GZMK: variants seen among roughly 807,000 people sequenced by gnomAD.
GZMK encodes the protein granzyme K.
A neutral mutation model predicts 22.8 loss-of-function variants in GZMK; 18 were observed. That is an observed-to-expected ratio of 0.79 (90% confidence interval 0.54 to 1.17). The LOEUF is 1.17. Among genes scored for constraint, GZMK ranks in the 50% most tolerant of loss-of-function variants. The pLI, the probability that GZMK is intolerant of heterozygous loss-of-function variation, is 0.00. For missense variants in GZMK, 342 were observed against 320.2 expected, an observed-to-expected ratio of 1.07 and a Z score of -0.52; for synonymous variants, 136 against 115.0, an observed-to-expected ratio of 1.18 and a Z score of -1.17.
In GZMK at chr5:55,034,136, G is replaced by A; in HGVS notation, c.*210G>A. The A allele has an allele frequency of 2.0e-6, 1 of 496,808 alleles. No homozygotes were observed. Among genetic ancestry groups the A allele is most frequent in the South Asian group, 3.2e-5 (1 of 31,696 alleles). The allele number at this position is 496,808 out of a possible 1,614,324, so 30.8% of individuals were successfully genotyped here. On this transcript the variant is annotated 3_prime_UTR_variant, in exon 5 of 5. Transcript: ENST00000231009. ...CTAAATAAAATTTAGAAGACTCTCT[G>A]TTTGTCTTTTATCACATGAAGTAAT... is the stretch of plus-strand genomic sequence containing the variant.
At chr5:55,029,009 T>C (rs1741179812) in intron 2 of GZMK, among the ~76,000 whole-genome samples, 1 of 152,116 alleles carries the variant, frequency 6.6e-6, no homozygotes, top group Non-Finnish European at 1.5e-5. Flanking sequence ...CTGAGGCCAG[T>C]AGATCACCTG....
chr5:55,030,965 A>C (rs145444246), intron 3 of GZMK, among the ~76,000 whole-genome samples: 7 of 152,222 alleles, frequency 4.6e-5, no homozygotes, highest in African/African-American at 1.4e-4. Context: ...CTCAGCAGTG[A>C]GTTACAGCTT....
chr5:55,026,541 C>G (rs377766335), intron 2 of GZMK, among the ~76,000 whole-genome samples: 1 of 151,858 alleles, frequency 6.6e-6, no homozygotes, highest in Non-Finnish European at 1.5e-5. Flanking sequence ...GTAGGCAGAT[C>G]GGTGGTTGGA....
rs1741279216 is a variant in GZMK at position 55,034,040 on chromosome 5, G to C, written c.*114G>C. The C allele has an allele frequency of 3.2e-6, 2 of 628,482 alleles. No individual in the cohort carries two copies. The highest frequency in any genetic ancestry group is 3.7e-5 in the African/African-American group (2 of 53,520). 38.9% of individuals were successfully genotyped at this position (628,482 alleles called of 1,614,324 possible). A position where few individuals can be genotyped will look rare whatever the true frequency, so the allele number is the denominator to read the frequency against. ...ATGGGGTCCATTTTTGCACTTGTAA[G>C]TCATTTTATTAAGGAATCAAGTTCT... On this transcript the variant is annotated 3_prime_UTR_variant, in exon 5 of 5. Coordinates refer to ENST00000231009, the MANE Select transcript of GZMK (RefSeq NM_002104.3).
Position 55,033,899 on chromosome 5 carries a change from C to G in GZMK, c.768C>G (p.Ser256Arg). The G allele has an allele frequency of 6.2e-7, 1 of 1,610,520 alleles. No individual in the cohort carries two copies. Among genetic ancestry groups the G allele is most frequent in the Non-Finnish European group, 8.5e-7 (1 of 1,178,972 alleles). ...LTKKYQTWIK[S>R]NLVPPHTN ...AGAAATACCAGACTTGGATCAAAAG[C>G]AACCTTGTCCCGCCTCATACAAATT... Residue 256 changes from serine (S) to arginine (R), a missense_variant, in exon 5 of 5, where the codon AGC (serine) becomes AGG (arginine). Transcript: ENST00000231009.
chr5:55,033,894 A>G lies in GZMK; in HGVS notation c.763A>G (p.Lys255Glu). 6.2e-7 allele frequency: 1 copy of G among 1,612,580 alleles called. No homozygotes were observed. The highest frequency in any genetic ancestry group is 1.1e-5 in the South Asian group (1 of 90,648). The part of the protein sequence containing the change: ...LLTKKYQTWI[K>E]SNLVPPHTN ...AACCAAGAAATACCAGACTTGGATC[A>G]AAAGCAACCTTGTCCCGCCTCATAC... The change falls in exon 5 of 5, where the codon AAA (lysine) becomes GAA (glutamate). Residue 255 changes from lysine to glutamate, a missense_variant. By Grantham distance (56) the Lys-to-Glu change is moderately conservative. Coordinates refer to ENST00000231009, the MANE Select transcript of GZMK (RefSeq NM_002104.3).
chr5:55,024,549 G>T (rs1741114284), intron 1 of GZMK, 111 bp from the exon 2 acceptor site: 7 of 843,578 alleles, frequency 8.3e-6, no homozygotes, highest in Non-Finnish European at 1.3e-5. Context: ...TTTAGGTAGG[G>T]TTATTGTTGT....
In GZMK at chr5:55,031,462, G is replaced by A. The variant is rs149102030; in HGVS notation, c.462G>A (p.Trp154Ter). 178 of 1,613,984 alleles carry A rather than the reference G, an allele frequency of 1.1e-4. No homozygotes were observed. The African/African-American group carries it at 1.8e-3, about 16-fold the overall frequency. ...GAACCAAATGCAAGGTTACTGGCTG[G>A]GGAGCCACCGATCCAGATTCATTAA... ...RSGTKCKVTG[W>*]GATDPDSLRP... is the part of the protein sequence containing the mutation. Residue 154 changes from tryptophan to a stop codon, truncating the protein, a stop_gained, in exon 4 of 5, where the codon TGG (tryptophan) becomes TGA (stop). Coordinates refer to ENST00000231009, the MANE Select transcript of GZMK (RefSeq NM_002104.3). LOFTEE classifies it high-confidence loss of function.
At chr5:55,027,662 GGTTATTGTTA>G (rs1205793139) in intron 2 of GZMK, 1 of 152,196 alleles carries the variant, frequency 6.6e-6, no homozygotes, top group Non-Finnish European at 1.5e-5. Context: ...CCTTGAAAAA[GGTTATTGTTA>G]GGCTCAATGG....
At chr5:55,025,839 C>T (rs1054992969) in intron 2 of GZMK, 1 of 152,204 alleles carries the variant, frequency 6.6e-6, no homozygotes, top group African/African-American at 2.4e-5. Context: ...TTAAATGGAA[C>T]TGTTTGATCA....
chr5:55,029,944 A>C (rs537884421), intron 2 of GZMK, among the ~76,000 whole-genome samples: 2 of 152,156 alleles, frequency 1.3e-5, no homozygotes, highest in Non-Finnish European at 2.9e-5. Context: ...AACAATATAC[A>C]TGTCCTTCAT....
rs1554044709 is a variant in GZMK, at chr5:55,031,464, G to A, written c.464G>A (p.Gly155Glu). The A allele has an allele frequency of 1.2e-6, 2 of 1,613,998 alleles. No individual in the cohort carries two copies. Among genetic ancestry groups the A allele is most frequent in the African/African-American group, 1.3e-5 (1 of 75,034 alleles). ...SGTKCKVTGWGATDPDSLRPS... is the reference protein window; with the variant it reads ...SGTKCKVTGWEATDPDSLRPS... ...ACCAAATGCAAGGTTACTGGCTGGG[G>A]AGCCACCGATCCAGATTCATTAAGA... Residue 155 changes from glycine to glutamate, a missense_variant, in exon 4 of 5, where the codon GGA (glycine) becomes GAA (glutamate). By Grantham distance (98) the Gly-to-Glu change is moderately conservative (BLOSUM62 -2). Transcript: ENST00000231009.
chr5:55,028,646 G>C (rs1042523486), intron 2 of GZMK: 3 of 152,132 alleles, frequency 2.0e-5, no homozygotes, highest in African/African-American at 7.2e-5. Flanking sequence ...ATATGCATGA[G>C]TATGTGTGTT....
chr5:55,026,266 C>T (rs1255399093), intron 2 of GZMK, among the ~76,000 whole-genome samples: 1 of 152,022 alleles, frequency 6.6e-6, no homozygotes, highest in Non-Finnish European at 1.5e-5. Flanking sequence ...GCTTCACTAG[C>T]CATAAAGTGT....
chr5:55,024,555 G>A (rs1741114353), intron 1 of GZMK, 105 bp from the exon 2 acceptor site: 1 of 896,356 alleles, frequency 1.1e-6, no homozygotes, highest in African/African-American at 1.7e-5. Context: ...TAGGGTTATT[G>A]TTGTTTTTTA....
At chr5:55,025,317 T>C (rs1358726802) in intron 2 of GZMK, among the ~76,000 whole-genome samples, 1 of 152,216 alleles carries the variant, frequency 6.6e-6, no homozygotes, top group African/African-American at 2.4e-5. Context: ...ATGAGAAGCC[T>C]ACTTTGCCAC....
chr5:55,031,181 C>T (rs1426704454), intron 3 of GZMK, among the ~76,000 whole-genome samples, 183 bp from the exon 4 acceptor site: 1 of 152,160 alleles, frequency 6.6e-6, no homozygotes, highest in East Asian at 1.9e-4. Flanking sequence ...TCAGTGAGCT[C>T]CTCGGGGAGT....
At chr5:55,031,048 G>A (rs972057326) in intron 3 of GZMK, among the ~76,000 whole-genome samples, 1 of 152,178 alleles carries the variant, frequency 6.6e-6, no homozygotes, top group Non-Finnish European at 1.5e-5. Context: ...GCAGGAAGCA[G>A]CCCAGCCCTC....
At chr5:55,032,127 G>C (rs2112938) in intron 4 of GZMK, among the ~76,000 whole-genome samples, 1 of 151,930 alleles carries the variant, frequency 6.6e-6, no homozygotes, top group African/African-American at 2.4e-5. Flanking sequence ...AAACTCGGTG[G>C]CTTATAAATA....
Sources: gnomAD v4.1 joint callset for allele counts (sites outside exome capture counted in the v4.1 genomes callset) on GRCh38, gnomAD v4.1.1 for gene constraint, MANE v1.5 for transcripts, NCBI Gene and HGNC (gene_info 2026-07-23, HGNC 2026-07-21) for gene names.